The following CD1B variants were observed in gnomAD, a reference collection of about 807,000 sequenced individuals.
CD1B encodes the protein CD1b molecule.
In CD1B, 43 loss-of-function variants were observed where a neutral mutation model predicts 39.8. That is an observed-to-expected ratio of 1.08 (90% confidence interval 0.85 to 1.39). CD1B has a LOEUF of 1.39. CD1B is among the 40% of genes most tolerant of loss of function. CD1B has a pLI of 0.00. For missense variants in CD1B, 495 were observed against 403.8 expected (o/e 1.23, Z -1.94); for synonymous variants, 192 against 152.5 (o/e 1.26, Z -1.91).
chr1:158,321,404 C>T, the CD1B span, among the ~76,000 whole-genome samples: 2,219 of 152,074 alleles, frequency 0.015, 53 homozygotes, highest in African/African-American at 0.048. Context: ...TGTTCTTCTG[C>T]GTAAAGTGAG....
the CD1B span, among the ~76,000 whole-genome samples, chr1:158,317,810 A>G: frequency 6.6e-6 from 1 of 152,102 alleles, no homozygotes. Context: ...AGTGCTATAA[A>G]TTTCCCTCTA....
the CD1B span, chr1:158,289,822 T>C: frequency 4.4e-6 from 2 of 457,934 alleles, no homozygotes; most frequent in African/African-American, 3.9e-5. Flanking sequence ...TAATGGAGCT[T>C]AGTGGCAGAG....
the CD1B span, among the ~76,000 whole-genome samples, chr1:158,304,336 C>G: frequency 6.6e-6 from 1 of 152,192 alleles, no homozygotes; most frequent in African/African-American, 2.4e-5. Flanking sequence ...CGGAGCCTCA[C>G]TCATTGCTAG....
the CD1B span, among the ~76,000 whole-genome samples, chr1:158,294,708 T>A: frequency 6.6e-6 from 1 of 152,208 alleles, no homozygotes; most frequent in Non-Finnish European, 1.5e-5. Context: ...ATACTTTATG[T>A]CACTTAAGCT....
At chr1:158,324,591 G>T (rs1242623636), downstream of CD1B, among the ~76,000 whole-genome samples, 1 of 152,134 alleles carries the variant, frequency 6.6e-6, no homozygotes, top group Admixed American at 6.5e-5. Flanking sequence ...ACATAGTTTT[G>T]AATTTGAAGT....
chr1:158,293,298 C>T, the CD1B span: 1 of 1,613,062 alleles, frequency 6.2e-7, no homozygotes, highest in Non-Finnish European at 8.5e-7. Context: ...GTTTAAGAAG[C>T]ACTGGTGAGT....
the CD1B span, among the ~76,000 whole-genome samples, chr1:158,311,356 C>A: frequency 6.6e-6 from 1 of 151,946 alleles, no homozygotes; most frequent in Admixed American, 6.6e-5. Context: ...GGTCTTTTGC[C>A]CTTTAAAATT....
At chr1:158,295,031 C>T in the CD1B span, among the ~76,000 whole-genome samples, 1 of 152,012 alleles carries the variant, frequency 6.6e-6, no homozygotes, top group Non-Finnish European at 1.5e-5. Context: ...CCTTAGTCAC[C>T]CTGTGACCTG....
At chr1:158,299,394 A>T in the CD1B span, among the ~76,000 whole-genome samples, 1 of 152,048 alleles carries the variant, frequency 6.6e-6, no homozygotes, top group African/African-American at 2.4e-5. Flanking sequence ...AAGCTTTTTG[A>T]TGTGCTGCTG....
chr1:158,304,267 T>C, the CD1B span, among the ~76,000 whole-genome samples: 10 of 152,246 alleles, frequency 6.6e-5, no homozygotes, highest in African/African-American at 2.4e-4. Flanking sequence ...CCAATGGTCT[T>C]AGCAAAGGGC....
the CD1B span, chr1:158,292,734 A>C: frequency 6.2e-7 from 1 of 1,614,168 alleles, no homozygotes; most frequent in Non-Finnish European, 8.5e-7. Flanking sequence ...CTGGGCACTA[A>C]ACATGGTGAT....
the CD1B span, among the ~76,000 whole-genome samples, chr1:158,315,337 A>G: frequency 3.3e-5 from 5 of 151,674 alleles, no homozygotes; most frequent in East Asian, 9.7e-4. Flanking sequence ...TGACTTTTTA[A>G]TGATTGCCAT....
At chr1:158,301,889 T>C in the CD1B span, among the ~76,000 whole-genome samples, 1 of 152,226 alleles carries the variant, frequency 6.6e-6, no homozygotes, top group Non-Finnish European at 1.5e-5. Flanking sequence ...TTTTCCAGCT[T>C]GGTTCCATTC....
chr1:158,329,321 T>C lies in CD1B; in HGVS notation c.886+49A>G. On this transcript the variant is annotated intron_variant, in intron 4 of 5. Coordinates refer to ENST00000368168, the MANE Select transcript of CD1B (RefSeq NM_001764.3). ...CTTCCCCAGTGCCTCCCTCTATGCC[T>C]GAAGATCACTTCCTGGCATTTCCAG... The C allele has an allele frequency of 2.5e-6, 4 of 1,578,184 alleles. No individual in the cohort carries two copies. The South Asian group carries it at 3.5e-5, about 14-fold the overall frequency.
At chr1:158,294,202 A>T in the CD1B span, among the ~76,000 whole-genome samples, 1 of 152,236 alleles carries the variant, frequency 6.6e-6, no homozygotes. Flanking sequence ...AAAAGGAACA[A>T]GAGATTTGGT....
rs142860948 is a variant in CD1B at position 158,330,835 on chromosome 1, G to A, written c.289C>T (p.Arg97Ter). Reference protein sequence around the residue: ...IFRVYIFGFAREVQDFAGDFQ... With the variant: ...IFRVYIFGFA ...TCACCGGCAAAGTCTTGTACTTCTC[G>A]AGCGAATCCAAAGATGTAGACTCGG... The change falls in exon 2 of 6, where the codon CGA (arginine) becomes TGA (stop). Residue 97 changes from arginine to a stop codon, truncating the protein, a stop_gained. Transcript: ENST00000368168. LOFTEE classifies it high-confidence loss of function. 1.1e-5 allele frequency: 17 copies of A among 1,613,978 alleles called. No homozygotes were observed. Among genetic ancestry groups the A allele is most frequent in the East Asian group, 4.5e-5 (2 of 44,890 alleles).
the CD1B span, among the ~76,000 whole-genome samples, chr1:158,314,670 A>G: frequency 6.6e-6 from 1 of 150,750 alleles, no homozygotes; most frequent in Non-Finnish European, 1.5e-5. Context: ...TTTTTTTATT[A>G]TTATACTTTA....
At chr1:158,327,116 A>T (rs1047284625), downstream of CD1B, among the ~76,000 whole-genome samples, 1 of 152,212 alleles carries the variant, frequency 6.6e-6, no homozygotes, top group Non-Finnish European at 1.5e-5. Context: ...TTATTAATTA[A>T]TGGACCAGCG....
the CD1B span, among the ~76,000 whole-genome samples, chr1:158,319,358 G>T: frequency 6.6e-6 from 1 of 152,126 alleles, no homozygotes; most frequent in Middle Eastern, 3.4e-3. Flanking sequence ...AGGCTTTGTT[G>T]ATTTCTTTTT....
Sources: gnomAD v4.1 joint callset for allele counts (sites outside exome capture counted in the v4.1 genomes callset) on GRCh38, gnomAD v4.1.1 for gene constraint, MANE v1.5 for transcripts, NCBI Gene and HGNC (gene_info 2026-07-23, HGNC 2026-07-21) for gene names.